Variants in PAAF1 observed in about 807,000 individuals in gnomAD.
PAAF1 encodes the protein proteasomal ATPase-associated factor 1.
Under a neutral mutation model 52.8 loss-of-function variants are expected in PAAF1, and 46 were observed. The ratio of observed to expected loss-of-function variants is 0.87; its 90% CI spans 0.69 to 1.11. The LOEUF is 1.11. Ranked by LOEUF, PAAF1 falls within the 50% of genes most tolerant of loss-of-function variation. PAAF1 has a pLI of 0.00. For missense variants in PAAF1, 424 were observed against 477.4 expected, an observed-to-expected ratio of 0.89 and a Z score of 1.04; for synonymous variants, 178 against 172.8, an observed-to-expected ratio of 1.03 and a Z score of -0.24.
In PAAF1 at chr11:73,929,336, C is replaced by T. The variant is rs1008698240; in HGVS notation, c.*1974C>T. Reference sequence around the variant, plus strand: ...GTGCTGGCATTACAGGCATGAGCCACGGCACTCAACCAGGAACTTTGTCTT... The same window carrying T: ...GTGCTGGCATTACAGGCATGAGCCATGGCACTCAACCAGGAACTTTGTCTT... On this transcript the variant is annotated 3_prime_UTR_variant, in exon 12 of 12. Coordinates refer to ENST00000310571, the MANE Select transcript of PAAF1 (RefSeq NM_025155.3). 5.3e-5 allele frequency: 8 copies of T among 152,350 alleles called. No individual in the cohort carries two copies. In the South Asian group the frequency reaches 6.2e-4, roughly 12 times the overall value. 9.4% of individuals were successfully genotyped at this position (152,350 alleles called of 1,614,324 possible).
chr11:73,920,043 A>G (rs1383238863), intron 10 of PAAF1, among the ~76,000 whole-genome samples: 1 of 152,112 alleles, frequency 6.6e-6, no homozygotes, highest in East Asian at 1.9e-4. Context: ...TGGTGAAAAA[A>G]AAAAAGCATG....
chr11:73,926,574 TGGTG>T (rs1381559933), intron 11 of PAAF1, among the ~76,000 whole-genome samples: 1 of 151,898 alleles, frequency 6.6e-6, no homozygotes, highest in Non-Finnish European at 1.5e-5. Context: ...CCAGGCGTGG[TGGTG>T]GGTGTGTGTA....
At chr11:73,926,467 G>A (rs1188557645) in intron 11 of PAAF1, among the ~76,000 whole-genome samples, 1 of 152,122 alleles carries the variant, frequency 6.6e-6, no homozygotes, top group African/African-American at 2.4e-5. Context: ...CCAGCACTTT[G>A]GGAGGCGGAG....
chr11:73,924,485 A>C, intron 10 of PAAF1, 130 bp from the exon 11 acceptor site: 1 of 724,290 alleles, frequency 1.4e-6, no homozygotes, highest in South Asian at 1.8e-5. Flanking sequence ...AATAAGATCT[A>C]TTTGCCATTC....
chr11:73,913,170 C>T (rs894653761), intron 7 of PAAF1, among the ~76,000 whole-genome samples: 1 of 152,220 alleles, frequency 6.6e-6, no homozygotes, highest in Non-Finnish European at 1.5e-5. Context: ...AGCCACCGCA[C>T]CTGGCCTGAC....
At chr11:73,921,570 CTT>C in intron 10 of PAAF1, 1 of 565,684 alleles carries the variant, frequency 1.8e-6, no homozygotes, top group Non-Finnish European at 3.4e-6. Flanking sequence ...CTGTATAAAA[CTT>C]TATGAAATAA....
chr11:73,898,017 C>CCAAAAAAA (rs1276310548), intron 4 of PAAF1, among the ~76,000 whole-genome samples: 7 of 152,154 alleles, frequency 4.6e-5, no homozygotes, highest in Non-Finnish European at 1.0e-4. Flanking sequence ...CCCGTCTCCA[C>CCAAAAAAA]CAAAAAAACA....
At position 73,929,449 on chromosome 11, in the gene PAAF1, C is replaced by T. The variant is rs577928953; in HGVS notation, c.*2087C>T. On this transcript the variant is annotated 3_prime_UTR_variant, in exon 12 of 12. Transcript: ENST00000310571. ...TACTGCAATTCATTTAATATCTACT[C>T]TGTTCTAGATACTATATTTATATAT... 6.6e-6 allele frequency: 1 copy of T among 152,298 alleles called. No individual in the cohort carries two copies. Among genetic ancestry groups the T allele is most frequent in the Non-Finnish European group, 1.5e-5 (1 of 68,032 alleles). The allele number at this position is 152,298 out of a possible 1,614,324, so 9.4% of individuals were successfully genotyped here. A position where few individuals can be genotyped will look rare whatever the true frequency, so the allele number is the denominator to read the frequency against.
chr11:73,885,518 A>G (rs943627778), intron 2 of PAAF1, among the ~76,000 whole-genome samples: 1 of 151,498 alleles, frequency 6.6e-6, no homozygotes. Context: ...GCCAGCTCCT[A>G]TCTTTCTTTG....
At chr11:73,917,265 C>T (rs1262807286) in intron 9 of PAAF1, among the ~76,000 whole-genome samples, 1 of 151,942 alleles carries the variant, frequency 6.6e-6, no homozygotes, top group Non-Finnish European at 1.5e-5. Flanking sequence ...GTGATCTGCC[C>T]GCCTCAGCCT....
chr11:73,896,288 T>C (rs12807844), intron 4 of PAAF1, among the ~76,000 whole-genome samples: 1 of 133,380 alleles, frequency 7.5e-6, no homozygotes, highest in Non-Finnish European at 1.5e-5. Flanking sequence ...TCTTTTTTTC[T>C]TTTTTTCTTT....
At chr11:73,908,134 A>G (rs941277073) in intron 6 of PAAF1, among the ~76,000 whole-genome samples, 1 of 152,034 alleles carries the variant, frequency 6.6e-6, no homozygotes, top group Admixed American at 6.6e-5. Flanking sequence ...GGCCAAAACC[A>G]GAAGTCATGT....
chr11:73,907,033 T>C (rs1436382022), intron 6 of PAAF1, among the ~76,000 whole-genome samples: 1 of 152,184 alleles, frequency 6.6e-6, no homozygotes, highest in Non-Finnish European at 1.5e-5. Context: ...TACCATTGTA[T>C]TGTATGTCTT....
intron 6 of PAAF1, among the ~76,000 whole-genome samples, chr11:73,907,207 T>TA (rs1490481096): frequency 6.6e-6 from 1 of 152,192 alleles, no homozygotes; most frequent in African/African-American, 2.4e-5. Context: ...TCAAAAACTA[T>TA]AAAATCGATA....
rs921685116 is a variant in PAAF1, at chr11:73,908,132, C to A, written c.533-1267C>A. On this transcript the variant is annotated intron_variant, in intron 6 of 11. Coordinates refer to ENST00000310571, the MANE Select transcript of PAAF1 (RefSeq NM_025155.3). Reference sequence around the variant, plus strand: ...TGGGACTACTCTTTCTTGGCCAAAACCAGAAGTCATGTCCTTTTTTCAAAT... The same window carrying A: ...TGGGACTACTCTTTCTTGGCCAAAAACAGAAGTCATGTCCTTTTTTCAAAT... Among the ~76,000 whole-genome samples, 2 of 151,796 alleles carry A rather than the reference C, an allele frequency of 1.3e-5. 1 individual carries two copies. Among genetic ancestry groups the A allele is most frequent in the Admixed American group, 1.3e-4 (2 of 15,232 alleles).
intron 6 of PAAF1, among the ~76,000 whole-genome samples, chr11:73,908,780 T>G (rs1340345720): frequency 6.6e-6 from 1 of 151,904 alleles, no homozygotes; most frequent in Non-Finnish European, 1.5e-5. Context: ...TCTACTTAAT[T>G]TTTATTTTTT....
intron 1 of PAAF1, 111 bp from the exon 2 acceptor site, chr11:73,878,668 C>CT: frequency 1.2e-6 from 1 of 844,844 alleles, no homozygotes; most frequent in South Asian, 1.6e-5. Context: ...TATCTCATGT[C>CT]TAAGTACTAT....
At chr11:73,887,482 G>A (rs1949092564) in intron 3 of PAAF1, 25 bp downstream of exon 3, 5 of 1,498,942 alleles carry the variant, frequency 3.3e-6, no homozygotes, top group Admixed American at 2.0e-5. Context: ...CTTCTAGATG[G>A]CATGATATTT....
At chr11:73,907,241 C>T (rs887564606) in intron 6 of PAAF1, among the ~76,000 whole-genome samples, 1 of 152,092 alleles carries the variant, frequency 6.6e-6, no homozygotes, top group African/African-American at 2.4e-5. Context: ...TTATAACACT[C>T]GATCTTAATT....
Sources: allele counts gnomAD v4.1 joint callset (sites outside exome capture counted in the v4.1 genomes callset), GRCh38; gene constraint gnomAD v4.1.1; transcripts MANE v1.5; gene names NCBI Gene and HGNC (gene_info 2026-07-23, HGNC 2026-07-21).